Variants in KLHL5 observed in about 807,000 individuals in gnomAD.
The protein encoded by KLHL5 is kelch like family member 5.
Under a neutral mutation model 77.7 loss-of-function variants are expected in KLHL5, and 48 were observed. The observed-to-expected ratio is 0.62, with a 90% CI of 0.49 to 0.79. KLHL5 has a LOEUF of 0.79. Among genes scored for constraint, KLHL5 ranks in the 30% least tolerant of loss-of-function variants. KLHL5 has a pLI of 0.00. For synonymous variants in KLHL5, 260 were observed against 297.0 expected (o/e 0.88, Z 1.28); for missense variants, 723 against 859.7 (o/e 0.84, Z 1.99).
Position 39,086,654 on chromosome 4 carries a change from A to G in KLHL5, c.1040A>G (p.His347Arg). Residue 347 changes from histidine to arginine, a missense_variant, in exon 5 of 11, where the codon CAT (histidine) becomes CGT (arginine). Physicochemically the swap from His to Arg is conservative, Grantham distance 29 (BLOSUM62 0). Coordinates refer to ENST00000504108, the MANE Select transcript of KLHL5 (RefSeq NM_015990.5). ...ILNALLTWVR[H>R]DLEQRRKDLS... ...AATGCACTTCTTACTTGGGTCCGTC[A>G]TGATTTGGAACAGAGACGGAAAGAT... 1 of 1,614,016 alleles carries G rather than the reference A, an allele frequency of 6.2e-7. No individual in the cohort carries two copies. The highest frequency in any genetic ancestry group is 2.2e-5 in the East Asian group (1 of 44,852).
chr4:39,058,355 A>C (rs1364816216), upstream of KLHL5, among the ~76,000 whole-genome samples: 1 of 152,208 alleles, frequency 6.6e-6, no homozygotes, highest in Non-Finnish European at 1.5e-5. Flanking sequence ...TTTGTCAGCC[A>C]GGCAGCGTGG....
chr4:39,110,461 C>T (rs982673487), intron 8 of KLHL5, among the ~76,000 whole-genome samples: 3 of 151,984 alleles, frequency 2.0e-5, no homozygotes, highest in Non-Finnish European at 4.4e-5. Flanking sequence ...CAATTACTTG[C>T]ATTCCTTTTA....
rs115870476 is a variant in KLHL5, at chr4:39,083,090, T to A, written c.900+931T>A. On this transcript the variant is annotated intron_variant, in intron 4 of 10. Coordinates refer to ENST00000504108, the MANE Select transcript of KLHL5 (RefSeq NM_015990.5). ...TATCAACATTTAAGAAATGTTATTT[T>A]GCCTACCCTCTCCTCCGTCGTTCCA... 3.0e-3 allele frequency among the ~76,000 whole-genome samples: 455 copies of A among 152,342 alleles called. 3 individuals are homozygous for A. Among genetic ancestry groups the A allele is most frequent in the African/African-American group, 8.5e-3 (355 of 41,580 alleles).
chr4:39,137,914 C>T, the KLHL5 span, among the ~76,000 whole-genome samples: 17 of 152,074 alleles, frequency 1.1e-4, no homozygotes, highest in African/African-American at 3.6e-4. Context: ...AGGACAAGAA[C>T]GGACACTTTT....
chr4:39,056,341 C>T (rs769637055), intron 1 of KLHL5, among the ~76,000 whole-genome samples: 76 of 152,294 alleles, frequency 5.0e-4, no homozygotes, highest in Non-Finnish European at 8.8e-4. Context: ...GAATTCCTGA[C>T]CTCAAGTGAT....
intron 1 of KLHL5, among the ~76,000 whole-genome samples, chr4:39,068,515 CTG>C (rs989709993): frequency 2.0e-5 from 3 of 151,668 alleles, no homozygotes; most frequent in Middle Eastern, 3.2e-3. Context: ...TGAAGGCTAT[CTG>C]TATGCTGCAT....
At chr4:39,064,935 G>A (rs958565960) in intron 1 of KLHL5, among the ~76,000 whole-genome samples, 1 of 152,084 alleles carries the variant, frequency 6.6e-6, no homozygotes, top group African/African-American at 2.4e-5. Context: ...TAAGACGGGT[G>A]TGGACAGTTT....
At chr4:39,046,132 T>C (rs763440476) in intron 1 of KLHL5, among the ~76,000 whole-genome samples, 2 of 152,028 alleles carry the variant, frequency 1.3e-5, no homozygotes, top group Non-Finnish European at 2.9e-5. Context: ...TGAATACTTT[T>C]ACACAAAGAT....
chr4:39,087,736 A>G (rs1455583805), intron 5 of KLHL5, among the ~76,000 whole-genome samples: 1 of 152,194 alleles, frequency 6.6e-6, no homozygotes, highest in Non-Finnish European at 1.5e-5. Flanking sequence ...CAAGGCCTTG[A>G]ATGCTGAAAG....
intron 4 of KLHL5, among the ~76,000 whole-genome samples, chr4:39,082,738 T>C (rs1417952181): frequency 6.6e-6 from 1 of 152,288 alleles, no homozygotes; most frequent in African/African-American, 2.4e-5. Flanking sequence ...ATGATACAAG[T>C]GTACCTGTAT....
At chr4:39,074,489 T>C (rs554707898) in intron 1 of KLHL5, among the ~76,000 whole-genome samples, 3 of 152,330 alleles carry the variant, frequency 2.0e-5, no homozygotes, top group South Asian at 4.1e-4. Context: ...TCTTAGCCAC[T>C]TTAAGGTGAA....
At chr4:39,107,209 G>A (rs1396540724) in intron 7 of KLHL5, among the ~76,000 whole-genome samples, 9 of 151,438 alleles carry the variant, frequency 5.9e-5, no homozygotes, top group Non-Finnish European at 1.0e-4. Flanking sequence ...CACCATGCCT[G>A]GCTAATTTTT....
At chr4:39,131,874 C>T in the KLHL5 span, among the ~76,000 whole-genome samples, 13 of 140,420 alleles carry the variant, frequency 9.3e-5, no homozygotes, top group African/African-American at 1.6e-4. Context: ...GGTGATAGAG[C>T]GAGACCCTGT....
chr4:39,115,142 C>T lies in KLHL5; in HGVS notation c.1902-17C>T. The T allele has an allele frequency of 6.3e-7, 1 of 1,591,048 alleles. No individual in the cohort carries two copies. Among genetic ancestry groups the T allele is most frequent in the Admixed American group, 1.9e-5 (1 of 52,188 alleles). ...TTTAAGAATAATGTCAGCTCCGGTT[C>T]TAAAATTTTCTTACAGATATGATCC... is the stretch of plus-strand genomic sequence containing the variant. On this transcript the variant is annotated splice_polypyrimidine_tract_variant and intron_variant, in intron 9 of 10. Transcript: ENST00000504108.
At chr4:39,092,586 G>A (rs534427603) in intron 5 of KLHL5, among the ~76,000 whole-genome samples, 11 of 152,158 alleles carry the variant, frequency 7.2e-5, no homozygotes, top group South Asian at 2.1e-4. Flanking sequence ...TAGGTTTTGC[G>A]TGCATAGAAA....
In KLHL5 at chr4:39,099,082, A is replaced by C. The variant is rs143891143; in HGVS notation, c.1300+2204A>C. On this transcript the variant is annotated intron_variant, in intron 6 of 10. Transcript: ENST00000504108. ...TGGATCACTTGAGGTCGGGAGGTTG[A>C]GACCAGCCTGGCCAACATGGCGAAA... 6.4e-3 allele frequency among the ~76,000 whole-genome samples: 970 copies of C among 152,196 alleles called. 16 individuals carry two copies. The highest frequency in any genetic ancestry group is 0.022 in the African/African-American group (916 of 41,528).
chr4:39,115,498 A>G lies in KLHL5; in HGVS notation c.2073+168A>G, dbSNP rs1405100160. 6 of 1,491,816 alleles carry G rather than the reference A, an allele frequency of 4.0e-6. No homozygotes were observed. The African/African-American group carries it at 5.7e-5, about 14-fold the overall frequency. 92.4% of individuals were successfully genotyped at this position (1,491,816 alleles called of 1,614,324 possible). A position where few individuals can be genotyped will look rare whatever the true frequency, so the allele number is the denominator to read the frequency against. On this transcript the variant is annotated intron_variant, in intron 10 of 10. Transcript: ENST00000504108. Reference sequence around the variant, plus strand: ...AAGAGGCAATGTTTAATTTTATAACATAATTAAAATCCAGAATTACCTTTG... The same window carrying G: ...AAGAGGCAATGTTTAATTTTATAACGTAATTAAAATCCAGAATTACCTTTG...
At chr4:39,127,439 G>C (rs1723600475), downstream of KLHL5, among the ~76,000 whole-genome samples, 1 of 152,002 alleles carries the variant, frequency 6.6e-6, no homozygotes, top group Non-Finnish European at 1.5e-5. Flanking sequence ...GGGGTTTTTT[G>C]TTTGTTTGAT....
In KLHL5 at chr4:39,103,416, A is replaced by G; in HGVS notation, c.1430A>G (p.Asp477Gly). 1 of 1,614,194 alleles carries G rather than the reference A, an allele frequency of 6.2e-7. No homozygotes were observed. Among genetic ancestry groups the G allele is most frequent in the Middle Eastern group, 1.6e-4 (1 of 6,062 alleles). Reference protein sequence around the residue: ...DDKLYVVGGRDGLKTLNTVEC... With the variant: ...DDKLYVVGGRGGLKTLNTVEC... ...AAACTGTATGTGGTTGGAGGAAGAG[A>G]TGGACTGAAGACTTTGAATACTGTA... Residue 477 changes from aspartate (D) to glycine (G), a missense_variant, in exon 7 of 11, where the codon GAT becomes GGT. Asp to Gly is a moderately conservative substitution (Grantham distance 94). Around this residue, in one of 3 missense-constraint regions of KLHL5, gnomAD observed 288 missense variants for 400.3 expected, o/e 0.72. Coordinates refer to ENST00000504108, the MANE Select transcript of KLHL5 (RefSeq NM_015990.5).
Sources: gnomAD v4.1 joint callset for allele counts (sites outside exome capture counted in the v4.1 genomes callset) on GRCh38, gnomAD v4.1.1 for gene constraint, gnomAD v4.1.1 regional missense constraint, MANE v1.5 for transcripts, NCBI Gene and HGNC (gene_info 2026-07-23, HGNC 2026-07-21) for gene names.